Variants in PSPC1 observed in about 807,000 individuals in gnomAD.
The protein encoded by PSPC1 is paraspeckle protein 1.
Under a neutral mutation model 51.6 loss-of-function variants are expected in PSPC1, and 14 were observed. The observed-to-expected ratio is 0.27, with a 90% CI of 0.18 to 0.42. PSPC1 has a LOEUF of 0.42. Among genes scored for constraint, PSPC1 ranks in the 10% least tolerant of loss-of-function variants. The pLI, the probability that PSPC1 is intolerant of heterozygous loss-of-function variation, is 1.00. For synonymous variants in PSPC1, 193 were observed against 231.9 expected (o/e 0.83, Z 1.53); for missense variants, 406 against 701.1 (o/e 0.58, Z 4.75).
intron 2 of PSPC1, among the ~76,000 whole-genome samples, chr13:19,768,487 A>C (rs1385082113): frequency 6.6e-6 from 1 of 150,672 alleles, no homozygotes; most frequent in African/African-American, 2.5e-5. Context: ...TCTACTAAAA[A>C]TACAAAAAAA....
In PSPC1 at chr13:19,691,618, T is replaced by G. The variant is rs529806879; in HGVS notation, c.1159-13795A>C. Among the ~76,000 whole-genome samples the G allele has an allele frequency of 5.3e-5, 8 of 152,004 alleles. 1 individual carries two copies. The highest frequency in any genetic ancestry group is 1.9e-4 in the African/African-American group (8 of 41,478). On this transcript the variant is annotated intron_variant and NMD_transcript_variant, in intron 6 of 7. Coordinates refer to the PSPC1 transcript ENST00000471658. ...TGGGAAACTGTTCTGAAAAAGGCAC[T>G]TATAAGAGATTTACAAAGGCCGGGC...
intron 7 of PSPC1, among the ~76,000 whole-genome samples, chr13:19,707,322 C>T (rs1310349333): frequency 6.6e-6 from 1 of 152,106 alleles, no homozygotes; most frequent in Non-Finnish European, 1.5e-5. Context: ...TTCACATCTT[C>T]CACCACATAG....
rs1466021917 is a variant in PSPC1 at position 19,730,308 on chromosome 13, C to T, written c.1089G>A (p.Met363Ile). Residue 363 changes from methionine to isoleucine, a missense_variant, in exon 6 of 9, where the codon ATG (methionine) becomes ATA (isoleucine). Physicochemically the swap from Met to Ile is conservative, Grantham distance 10. This residue lies in a region of PSPC1 where 61 missense variants were observed against 78.4 expected (regional missense o/e 0.78). Transcript: ENST00000338910. ...GTTCCTCCTGTTCTCTGTGTCGGAT[C>T]ATTTCTTCCTCACGCCGCCGATGCT... ...EEEHRRREEE[M>I]IRHREQEELR... 3.1e-6 allele frequency: 5 copies of T among 1,613,950 alleles called. No individual in the cohort carries two copies. The Admixed American group carries it at 8.3e-5, about 27-fold the overall frequency.
chr13:19,763,050 A>C (rs1209763943), intron 2 of PSPC1, among the ~76,000 whole-genome samples: 1 of 152,062 alleles, frequency 6.6e-6, no homozygotes, highest in East Asian at 1.9e-4. Flanking sequence ...GGTTGCAGTG[A>C]GCTGAGACCG....
chr13:19,744,468 A>G (rs2138063767), intron 4 of PSPC1, among the ~76,000 whole-genome samples: 1 of 152,324 alleles, frequency 6.6e-6, no homozygotes, highest in African/African-American at 2.4e-5. Flanking sequence ...AGTTCCTGAT[A>G]TTTCACTAAA....
intron 6 of PSPC1, among the ~76,000 whole-genome samples, chr13:19,683,729 A>C (rs1218881873): frequency 6.6e-6 from 1 of 152,246 alleles, no homozygotes; most frequent in African/African-American, 2.4e-5. Context: ...TATAGGAATC[A>C]TTTATAAATA....
intron 6 of PSPC1, among the ~76,000 whole-genome samples, chr13:19,720,159 T>G (rs1882589287): frequency 6.6e-6 from 1 of 152,194 alleles, no homozygotes; most frequent in Non-Finnish European, 1.5e-5. Flanking sequence ...TGAGCAAGGA[T>G]ACCAGCTGTA....
At chr13:19,717,448 G>C (rs1882242557) in intron 6 of PSPC1, among the ~76,000 whole-genome samples, 1 of 151,782 alleles carries the variant, frequency 6.6e-6, no homozygotes, top group African/African-American at 2.4e-5. Flanking sequence ...GCTCAAGCCT[G>C]TAATCCAAGC....
chr13:19,782,555 T>C lies in PSPC1; in HGVS notation c.203A>G (p.Lys68Arg). The change falls in exon 1 of 9, where the codon AAG becomes AGG. Residue 68 changes from lysine to arginine, a missense_variant. Lys to Arg is a conservative substitution (Grantham distance 26). Around this residue, in one of 5 missense-constraint regions of PSPC1, gnomAD observed 128 missense variants for 107.1 expected, o/e 1.20. Coordinates refer to ENST00000338910, the MANE Select transcript of PSPC1 (RefSeq NM_001354909.2). This position sits in a 1 kb window ranked among gnomAD's most constrained non-coding sequence, Gnocchi z 4.5. ...CTTCTCGCCCGGCTTGAGGAAACTCTTGATGTCGATAGTGAACCCCATCTC... is the reference window on the plus strand; with the variant it reads ...CTTCTCGCCCGGCTTGAGGAAACTCCTGATGTCGATAGTGAACCCCATCTC... The part of the protein sequence containing the change: ...DEEMGFTIDI[K>R]SFLKPGEKTY... 1 of 1,611,910 alleles carries C rather than the reference T, an allele frequency of 6.2e-7. No homozygotes were observed. Among genetic ancestry groups the C allele is most frequent in the Non-Finnish European group, 8.5e-7 (1 of 1,179,142 alleles).
chr13:19,732,739 CAACATGG>C (rs1884272081), intron 5 of PSPC1, among the ~76,000 whole-genome samples: 1 of 152,002 alleles, frequency 6.6e-6, no homozygotes, highest in Admixed American at 6.6e-5. Context: ...CTAGCCTGGG[CAACATGG>C]TAAAACCCTG....
intron 2 of PSPC1, among the ~76,000 whole-genome samples, chr13:19,766,086 C>A (rs1364494402): frequency 6.6e-6 from 1 of 152,102 alleles, no homozygotes; most frequent in South Asian, 2.1e-4. Flanking sequence ...AAAAAGCAAG[C>A]CTGCAGCTGG....
chr13:19,688,843 CCATT>C (rs143397247), intron 6 of PSPC1, among the ~76,000 whole-genome samples: 3,258 of 151,910 alleles, frequency 0.021, 38 homozygotes, highest in Middle Eastern at 0.075. Context: ...TGTTTAGAAA[CCATT>C]CATTTTGTTG....
At chr13:19,695,120 AAAAG>A (rs1879049461) in intron 6 of PSPC1, among the ~76,000 whole-genome samples, 1 of 152,218 alleles carries the variant, frequency 6.6e-6, no homozygotes, top group Non-Finnish European at 1.5e-5. Flanking sequence ...TGACCTACAG[AAAAG>A]AAATAGAAAC....
At chr13:19,673,190 G>T, downstream of PSPC1, 1 of 445,668 alleles carries the variant, frequency 2.2e-6, no homozygotes, top group Non-Finnish European at 4.5e-6. Context: ...CTGGCTGTCA[G>T]CTGTGTGGGA....
intron 6 of PSPC1, among the ~76,000 whole-genome samples, chr13:19,679,324 G>A (rs978096589): frequency 5.3e-5 from 8 of 149,832 alleles, no homozygotes; most frequent in African/African-American, 5.0e-5. Context: ...GCAAAGTCCC[G>A]TCTCTACAAA....
intron 5 of PSPC1, among the ~76,000 whole-genome samples, chr13:19,736,042 G>A (rs958376085): frequency 4.0e-5 from 6 of 151,888 alleles, no homozygotes; most frequent in Admixed American, 2.6e-4. Context: ...GGATGGTCTC[G>A]ATCTCCTGAC....
At chr13:19,709,696 T>A (rs1881156131) in intron 6 of PSPC1, 97 bp from the exon 7 acceptor site, 3 of 1,102,222 alleles carry the variant, frequency 2.7e-6, no homozygotes, top group Non-Finnish European at 2.6e-6. Context: ...TGGGACATCA[T>A]TTTTCATTAA....
intron 1 of PSPC1, among the ~76,000 whole-genome samples, chr13:19,775,307 G>A (rs1296712894): frequency 1.3e-5 from 2 of 152,024 alleles, no homozygotes; most frequent in Admixed American, 6.6e-5. Flanking sequence ...GGCTGAGACA[G>A]TGCCACTACA....
At chr13:19,730,955 AACAAAAAAAC>A (rs1441199926) in intron 5 of PSPC1, among the ~76,000 whole-genome samples, 4,254 of 42,008 alleles carry the variant, frequency 0.1, 367 homozygotes, top group South Asian at 0.24. Context: ...AGAAAAAAAA[AACAAAAAAAC>A]AAAAAAAAAA....
Sources: allele counts gnomAD v4.1 joint callset (sites outside exome capture counted in the v4.1 genomes callset), GRCh38; gene constraint gnomAD v4.1.1; regional missense constraint gnomAD v4.1.1; non-coding constraint Gnocchi (gnomAD v3.1); transcripts MANE v1.5; gene names NCBI Gene and HGNC (gene_info 2026-07-23, HGNC 2026-07-21).